CDH4: variants seen among roughly 807,000 people sequenced by gnomAD.
CDH4 encodes cadherin 4, also known as cadherin-4.
In CDH4, 33 loss-of-function variants were observed where a neutral mutation model predicts 86.0. The observed-to-expected ratio is 0.38, with a 90% CI of 0.29 to 0.51. The LOEUF (loss-of-function observed/expected upper bound fraction) is 0.51, where lower values mean the gene tolerates loss of function less well. CDH4 is among the 20% of genes least tolerant of loss of function. The pLI is 0.86. For missense variants in CDH4, 1,114 were observed against 1,307.4 expected (o/e 0.85, Z 2.28); for synonymous variants, 555 against 549.4 (o/e 1.01, Z -0.14).
intron 2 of CDH4, among the ~76,000 whole-genome samples, chr20:61,382,539 T>C (rs1390899518): frequency 1.3e-5 from 2 of 152,208 alleles, no homozygotes; most frequent in African/African-American, 2.4e-5. Context: ...AGGGCTGTTG[T>C]GACAAATTAC....
At position 61,767,136 on chromosome 20, in the gene CDH4, G is replaced by T. The variant is rs557196551; in HGVS notation, c.397-5867G>T. Among the ~76,000 whole-genome samples the T allele has an allele frequency of 6.6e-5, 10 of 152,226 alleles. No homozygotes were observed. The East Asian group carries it at 1.9e-3, about 30-fold the overall frequency. On this transcript the variant is annotated intron_variant, in intron 3 of 15. Transcript: ENST00000614565. ...AGTCACTTGGGCAGGGCCCGGGCCCGTGCAGGACTCAGGAAGGTGTCCCTG... is the reference window on the plus strand; with the variant it reads ...AGTCACTTGGGCAGGGCCCGGGCCCTTGCAGGACTCAGGAAGGTGTCCCTG...
rs535415950 is a variant in CDH4, at chr20:61,888,452, G to A, written c.1051-6458G>A. 1.1e-4 allele frequency among the ~76,000 whole-genome samples: 17 copies of A among 152,328 alleles called. 1 individual carries two copies. The South Asian group carries it at 3.3e-3, about 30-fold the overall frequency. On this transcript the variant is annotated intron_variant, in intron 7 of 15. Transcript: ENST00000614565. ...TGGGGAAGCTTCCAGAGGTGGGCTG[G>A]CTGGTCTCTGCCTTGATGAACAGGA... is the stretch of plus-strand genomic sequence containing the variant.
intron 2 of CDH4, chr20:61,717,861 C>A (rs2087981464): frequency 1.3e-5 from 2 of 152,448 alleles, no homozygotes; most frequent in South Asian, 2.1e-4. Flanking sequence ...TAGCCGTGAA[C>A]CAGGTGTTGG....
At chr20:61,468,372 TTCTC>T (rs2085485118) in intron 2 of CDH4, among the ~76,000 whole-genome samples, 2 of 152,046 alleles carry the variant, frequency 1.3e-5, no homozygotes, top group African/African-American at 4.8e-5. Context: ...TTCTTTCTCT[TTCTC>T]TTTCTTTCTT....
intron 2 of CDH4, among the ~76,000 whole-genome samples, chr20:61,498,618 A>G (rs2085678832): frequency 6.6e-6 from 1 of 152,166 alleles, no homozygotes; most frequent in Non-Finnish European, 1.5e-5. Context: ...GGACCTCCCA[A>G]AAAACACACG....
chr20:61,815,211 C>T (rs535652908), intron 4 of CDH4, among the ~76,000 whole-genome samples: 1 of 152,286 alleles, frequency 6.6e-6, no homozygotes, highest in East Asian at 1.9e-4. Context: ...CGTACGAAGT[C>T]CTGTCTAACC....
rs766128163 is a variant in CDH4, at chr20:61,934,054, A to C, written c.2380-2A>C. The C allele has an allele frequency of 6.2e-7, 1 of 1,610,702 alleles. No individual in the cohort carries two copies. The highest frequency in any genetic ancestry group is 2.2e-5 in the East Asian group (1 of 44,842). ...CTGACTCCTCCCGGCTCCCTCCCCC[A>C]GGACTACGACCTCAGCCAGCTGCAG... On this transcript the variant is annotated splice_acceptor_variant, in intron 14 of 15. Transcript: ENST00000614565. LOFTEE classifies it high-confidence loss of function.
At chr20:61,342,212 C>T (rs1253712549) in intron 2 of CDH4, among the ~76,000 whole-genome samples, 1 of 152,174 alleles carries the variant, frequency 6.6e-6, no homozygotes, top group African/African-American at 2.4e-5. Context: ...ACAGTTTTTC[C>T]ACAGATCAGG....
intron 2 of CDH4, among the ~76,000 whole-genome samples, chr20:61,347,315 G>C (rs954187643): frequency 6.6e-6 from 1 of 152,294 alleles, no homozygotes; most frequent in African/African-American, 2.4e-5. Flanking sequence ...GATGGCCAAC[G>C]TGGTTTTAGA....
chr20:61,405,697 A>AT (rs543828715), intron 2 of CDH4, among the ~76,000 whole-genome samples: 14,151 of 145,618 alleles, frequency 0.097, 719 homozygotes, highest in South Asian at 0.11. Flanking sequence ...TGTATCTATA[A>AT]TTTTTTTTTT....
chr20:61,657,739 T>C (rs1266208096), intron 2 of CDH4, among the ~76,000 whole-genome samples: 1 of 152,252 alleles, frequency 6.6e-6, no homozygotes, highest in African/African-American at 2.4e-5. Context: ...TGCTTAAGAA[T>C]ATAAATGCAG....
intron 2 of CDH4, among the ~76,000 whole-genome samples, chr20:61,630,457 C>T (rs2086875676): frequency 6.6e-6 from 1 of 152,150 alleles, no homozygotes; most frequent in African/African-American, 2.4e-5. Context: ...ATGGGACGCT[C>T]AGCGGGGCAG....
At chr20:61,770,738 C>G (rs1309996547) in intron 3 of CDH4, among the ~76,000 whole-genome samples, 1 of 152,166 alleles carries the variant, frequency 6.6e-6, no homozygotes, top group South Asian at 2.1e-4. Context: ...AAAAAATTAG[C>G]CGGGCGTGGT....
intron 2 of CDH4, among the ~76,000 whole-genome samples, chr20:61,470,746 A>C (rs952644679): frequency 1.3e-5 from 2 of 152,086 alleles, no homozygotes; most frequent in Non-Finnish European, 2.9e-5. Flanking sequence ...TTTCTTAATC[A>C]TGAAGGGATG....
chr20:61,481,886 C>T (rs917839318), intron 2 of CDH4, among the ~76,000 whole-genome samples: 1 of 152,146 alleles, frequency 6.6e-6, no homozygotes, highest in African/African-American at 2.4e-5. Flanking sequence ...AATATTCCCC[C>T]ATAGCATATG....
intron 4 of CDH4, among the ~76,000 whole-genome samples, chr20:61,841,620 T>A (rs535734089): frequency 9.3e-4 from 142 of 152,258 alleles, no homozygotes; most frequent in African/African-American, 3.2e-3. Context: ...GTCTCTGAAG[T>A]TCTGCTTGGT....
At chr20:61,416,899 G>T (rs981635367) in intron 2 of CDH4, among the ~76,000 whole-genome samples, 15 of 152,048 alleles carry the variant, frequency 9.9e-5, no homozygotes, top group African/African-American at 3.6e-4. Context: ...GTTTTGTCCT[G>T]ACTCACTGCC....
chr20:61,792,820 T>C (rs1006336570), intron 4 of CDH4, among the ~76,000 whole-genome samples: 1 of 152,086 alleles, frequency 6.6e-6, no homozygotes, highest in Admixed American at 6.5e-5. Flanking sequence ...CCGGCTAATT[T>C]TTTTATTTTT....
At chr20:61,863,335 C>T (rs4925305) in intron 6 of CDH4, among the ~76,000 whole-genome samples, 138,629 of 152,242 alleles carry the variant, frequency 0.91, 64,473 homozygotes, top group East Asian at 1. Context: ...TGGGGAAATA[C>T]TCAGGTCTGT....
Sources: allele counts gnomAD v4.1 joint callset (sites outside exome capture counted in the v4.1 genomes callset), GRCh38; gene constraint gnomAD v4.1.1; transcripts MANE v1.5; gene names NCBI Gene and HGNC (gene_info 2026-07-23, HGNC 2026-07-21).